The following INPP5A variants were observed in gnomAD, a reference collection of about 807,000 sequenced individuals.
INPP5A encodes the protein 43 kDa inositol polyphosphate 5-phophatase.
In INPP5A, 14 loss-of-function variants were observed where a neutral mutation model predicts 65.2. The ratio of observed to expected loss-of-function variants is 0.21; its 90% confidence interval spans 0.14 to 0.34. The LOEUF (loss-of-function observed/expected upper bound fraction) is 0.34, where lower values mean the gene tolerates loss of function less well. INPP5A is among the 10% of genes least tolerant of loss of function. INPP5A has a pLI of 1.00. For synonymous variants in INPP5A, 207 were observed against 208.3 expected (o/e 0.99, Z 0.05); for missense variants, 431 against 545.6 (o/e 0.79, Z 2.09).
Position 132,690,593 on chromosome 10 carries a change from A to T in INPP5A, c.370+138A>T, listed in dbSNP as rs936646386. On this transcript the variant is annotated intron_variant, in intron 5 of 15. Coordinates refer to ENST00000368594, the MANE Select transcript of INPP5A (RefSeq NM_005539.5). Reference sequence around the variant, plus strand: ...TGTCTTGAGCCACTGTCCAGAGGTCACTCCAGGGGCCTCCTGGACCTGGAC... The same window carrying T: ...TGTCTTGAGCCACTGTCCAGAGGTCTCTCCAGGGGCCTCCTGGACCTGGAC... The T allele has an allele frequency of 3.1e-5, 20 of 645,732 alleles. No homozygotes were observed. The African/African-American group carries it at 3.3e-4, about 11-fold the overall frequency. The allele number at this position is 645,732 out of a possible 1,614,324, so 40.0% of individuals were successfully genotyped here. A position where few individuals can be genotyped will look rare whatever the true frequency, so the allele number is the denominator to read the frequency against.
intron 4 of INPP5A, among the ~76,000 whole-genome samples, chr10:132,665,767 C>T (rs936148300): frequency 1.3e-5 from 2 of 148,782 alleles, no homozygotes; most frequent in Non-Finnish European, 3.0e-5. Flanking sequence ...CTCTGGGAGG[C>T]TGAGGCAGGT....
chr10:132,560,910 T>A (rs1386766141), intron 1 of INPP5A, among the ~76,000 whole-genome samples: 1 of 147,250 alleles, frequency 6.8e-6, no homozygotes, highest in Non-Finnish European at 1.5e-5. Flanking sequence ...TGCCCAGGCT[T>A]TTTTTTTTTT....
At chr10:132,568,580 C>G (rs542779181) in intron 1 of INPP5A, among the ~76,000 whole-genome samples, 10 of 151,034 alleles carry the variant, frequency 6.6e-5, no homozygotes, top group South Asian at 2.1e-4. Flanking sequence ...AAAACCCCAT[C>G]TCTACTAAAA....
intron 12 of INPP5A, among the ~76,000 whole-genome samples, chr10:132,776,368 G>T (rs912631053): frequency 3.3e-5 from 5 of 151,790 alleles, no homozygotes; most frequent in Admixed American, 6.6e-5. Context: ...GTCCCCGGCT[G>T]TTTCCAGGTG....
intron 5 of INPP5A, among the ~76,000 whole-genome samples, chr10:132,691,801 A>G (rs915481276): frequency 1.3e-5 from 2 of 150,344 alleles, no homozygotes; most frequent in Non-Finnish European, 3.0e-5. Flanking sequence ...ACGTGTGGAC[A>G]TGGGAGACGT....
At chr10:132,758,492 C>A (rs1846671697) in intron 11 of INPP5A, among the ~76,000 whole-genome samples, 1 of 151,770 alleles carries the variant, frequency 6.6e-6, no homozygotes, top group Non-Finnish European at 1.5e-5. Flanking sequence ...CAGCCCAGCA[C>A]CATGGCGTGG....
chr10:132,742,768 A>G (rs1216215030), intron 9 of INPP5A, among the ~76,000 whole-genome samples: 3 of 152,222 alleles, frequency 2.0e-5, no homozygotes, highest in Admixed American at 6.5e-5. Flanking sequence ...TTGGTAGTCA[A>G]GAAACCTGTC....
intron 1 of INPP5A, among the ~76,000 whole-genome samples, chr10:132,578,565 C>T (rs2071438626): frequency 6.8e-6 from 1 of 146,068 alleles, no homozygotes; most frequent in Non-Finnish European, 1.5e-5. Flanking sequence ...ACTGGAGGGG[C>T]TCTGTCAGGA....
rs978609524 is a variant in INPP5A, at chr10:132,538,096, C to T, written c.-1C>T. 4.0e-5 allele frequency: 48 copies of T among 1,200,222 alleles called. No individual in the cohort carries two copies. Among genetic ancestry groups the T allele is most frequent in the Middle Eastern group, 3.1e-4 (1 of 3,208 alleles). The allele number at this position is 1,200,222 out of a possible 1,614,324, so 74.3% of individuals were successfully genotyped here. On this transcript the variant is annotated 5_prime_UTR_variant, in exon 1 of 16. Transcript: ENST00000368594. This position sits in a 1 kb window ranked among gnomAD's most constrained non-coding sequence, Gnocchi z 4.1. ...CCCAGCGCCCGCGCCGCCCGGGCAC[C>T]ATGGCGGGGAAGGCGGCCGCCCCGG...
At chr10:132,712,902 AGGTGTGTGCATGTGTGTG>A (rs1215943788) in intron 8 of INPP5A, among the ~76,000 whole-genome samples, 1 of 115,942 alleles carries the variant, frequency 8.6e-6, no homozygotes. Flanking sequence ...ATGTGCCTGT[AGGTGTGTGCATGTGTGTG>A]GGTGTGTGCA....
chr10:132,552,833 C>A (rs1370098896), intron 1 of INPP5A, among the ~76,000 whole-genome samples: 39 of 108,764 alleles, frequency 3.6e-4, no homozygotes, highest in South Asian at 1.6e-3. Context: ...GCCTTGGTGG[C>A]ATATTGAGTA....
intron 4 of INPP5A, among the ~76,000 whole-genome samples, chr10:132,684,386 C>T (rs910606977): frequency 2.0e-5 from 3 of 152,134 alleles, no homozygotes; most frequent in Non-Finnish European, 2.9e-5. Context: ...TGTATGTCTA[C>T]AGGTGTATGC....
intron 2 of INPP5A, among the ~76,000 whole-genome samples, chr10:132,633,964 C>T (rs2072305905): frequency 6.6e-6 from 1 of 152,344 alleles, no homozygotes; most frequent in Admixed American, 6.5e-5. Context: ...CTTCCCACCC[C>T]TGAGCATTTG....
rs111720324 is a variant in INPP5A at position 132,707,839 on chromosome 10, C to T, written c.475-474C>T. Among the ~76,000 whole-genome samples, 247 of 152,064 alleles carry T rather than the reference C, an allele frequency of 1.6e-3. 1 individual carries two copies. Among genetic ancestry groups the T allele is most frequent in the African/African-American group, 4.1e-3 (169 of 41,480 alleles). On this transcript the variant is annotated intron_variant, in intron 6 of 15. Transcript: ENST00000368594. The surrounding 1 kb of genome is among the most constrained non-coding windows in gnomAD (Gnocchi z 5.5). ...AACGGCATCGGTGGGTGAGAGGCAT[C>T]GGTGGGTGGTGGGGATCAGTGAGAG...
chr10:132,696,554 G>A (rs1268913556), intron 5 of INPP5A, among the ~76,000 whole-genome samples: 1 of 152,188 alleles, frequency 6.6e-6, no homozygotes, highest in Non-Finnish European at 1.5e-5. Context: ...TGCTACCAAT[G>A]AAAGAAGCCA....
intron 8 of INPP5A, among the ~76,000 whole-genome samples, chr10:132,720,385 C>T (rs1845846252): frequency 6.9e-6 from 1 of 145,920 alleles, no homozygotes; most frequent in Non-Finnish European, 1.5e-5. Context: ...TCTGTCTGGG[C>T]ACCTTAGACG....
chr10:132,772,506 A>G lies in INPP5A; in HGVS notation c.978-5165A>G, dbSNP rs377284531. 2.5e-3 allele frequency among the ~76,000 whole-genome samples: 253 copies of G among 99,886 alleles called. 1 individual carries two copies. Among genetic ancestry groups the G allele is most frequent in the South Asian group, 8.1e-3 (19 of 2,340 alleles). 65.5% of individuals were successfully genotyped at this position (99,886 alleles called of 152,430 possible). On this transcript the variant is annotated intron_variant, in intron 12 of 15. Transcript: ENST00000368594. The stretch of plus-strand genomic sequence containing the variant: ...CACTCAGCACTGACACAGAGGCCAC[A>G]GCAGCCACCCGATGAAGAGTGGGAC...
chr10:132,643,890 G>T (rs2072459159), intron 2 of INPP5A, among the ~76,000 whole-genome samples: 1 of 152,120 alleles, frequency 6.6e-6, no homozygotes, highest in Non-Finnish European at 1.5e-5. Context: ...CCGGAGCTTG[G>T]TGACCCCGTG....
intron 1 of INPP5A, among the ~76,000 whole-genome samples, chr10:132,595,296 G>A (rs2071671756): frequency 6.6e-6 from 1 of 152,158 alleles, no homozygotes; most frequent in Admixed American, 6.5e-5. Context: ...TGCTCGCGCC[G>A]GTGGGGGCTT....
Sources: allele counts gnomAD v4.1 joint callset (sites outside exome capture counted in the v4.1 genomes callset), GRCh38; gene constraint gnomAD v4.1.1; non-coding constraint Gnocchi (gnomAD v3.1); transcripts MANE v1.5; gene names NCBI Gene and HGNC (gene_info 2026-07-23, HGNC 2026-07-21).